Variants in GAB4 observed in about 807,000 individuals in gnomAD.
GAB4 encodes GRB2-associated-binding protein 4.
A neutral mutation model predicts 51.3 loss-of-function variants in GAB4; 26 were observed. That is an observed-to-expected ratio of 0.51 (90% CI 0.37 to 0.70). The LOEUF is 0.70. Among genes scored for constraint, GAB4 ranks in the 30% least tolerant of loss-of-function variants. The pLI is 0.00. For missense variants in GAB4, 759 were observed against 734.6 expected (o/e 1.03, Z -0.38); for synonymous variants, 329 against 291.2 (o/e 1.13, Z -1.32).
chr22:16,993,393 T>G (rs2060928189), intron 1 of GAB4, among the ~76,000 whole-genome samples: 1 of 152,186 alleles, frequency 6.6e-6, no homozygotes, highest in African/African-American at 2.4e-5. Context: ...GGACTACAGA[T>G]GCCAAGCATT....
Position 16,962,610 on chromosome 22 carries a change from TATATTG to T in GAB4, c.*117_*122del. ...GTGGGCCCCAAGCAGGCAAAGGATG[TATATTG>T]ATCAGGCCTCTGCTCTCTATGTAAG... On this transcript the variant is annotated 3_prime_UTR_variant, in exon 10 of 10. Coordinates refer to ENST00000400588, the MANE Select transcript of GAB4 (RefSeq NM_001037814.1). 1 of 843,454 alleles carries T rather than the reference TATATTG, an allele frequency of 1.2e-6. No homozygotes were observed. The highest frequency in any genetic ancestry group is 1.7e-6 in the Non-Finnish European group (1 of 588,456). The allele number at this position is 843,454 out of a possible 1,614,324, so 52.2% of individuals were successfully genotyped here. A position where few individuals can be genotyped will look rare whatever the true frequency, so the allele number is the denominator to read the frequency against.
chr22:16,972,750 C>T (rs1408460827), intron 3 of GAB4, among the ~76,000 whole-genome samples: 1 of 152,118 alleles, frequency 6.6e-6, no homozygotes, highest in Non-Finnish European at 1.5e-5. Context: ...CTGATCCTTC[C>T]TCTGGACCAC....
In GAB4 at chr22:16,962,652, C is replaced by A; in HGVS notation, c.*81G>T. 7.6e-7 allele frequency: 1 copy of A among 1,315,248 alleles called. No homozygotes were observed. Among genetic ancestry groups the A allele is most frequent in the Non-Finnish European group, 1.0e-6 (1 of 957,914 alleles). The allele number at this position is 1,315,248 out of a possible 1,614,324, so 81.5% of individuals were successfully genotyped here. The stretch of plus-strand genomic sequence containing the variant: ...TGCTCTCTATGTAAGGGATGCGGTC[C>A]CTGATATTACAGAGCTTTAGAGTGT... On this transcript the variant is annotated 3_prime_UTR_variant, in exon 10 of 10. Coordinates refer to ENST00000400588, the MANE Select transcript of GAB4 (RefSeq NM_001037814.1).
At chr22:16,984,778 T>A (rs1223396468) in intron 3 of GAB4, among the ~76,000 whole-genome samples, 3 of 152,212 alleles carry the variant, frequency 2.0e-5, no homozygotes. Context: ...AGCATAAGAC[T>A]TGGGTGGTTT....
chr22:16,983,178 C>T lies in GAB4; in HGVS notation c.686+4782G>A, dbSNP rs28832875. On this transcript the variant is annotated intron_variant, in intron 3 of 9. Transcript: ENST00000400588. ...ATGCGCTTGATGCATCACTACCTTT[C>T]AACCCCACATCCTCACCACCTGTTT... 4.1e-3 allele frequency among the ~76,000 whole-genome samples: 565 copies of T among 136,818 alleles called. 5 individuals carry two copies. Among genetic ancestry groups the T allele is most frequent in the South Asian group, 0.025 (107 of 4,308 alleles). 89.8% of individuals were successfully genotyped at this position (136,818 alleles called of 152,430 possible).
chr22:17,005,832 T>C (rs1443112081), intron 1 of GAB4, among the ~76,000 whole-genome samples: 3 of 152,166 alleles, frequency 2.0e-5, no homozygotes, highest in Non-Finnish European at 4.4e-5. Context: ...TCCTTATATC[T>C]TATACAAAAA....
chr22:17,003,756 C>T (rs778307015), intron 1 of GAB4, among the ~76,000 whole-genome samples: 2 of 151,984 alleles, frequency 1.3e-5, no homozygotes, highest in African/African-American at 4.8e-5. Flanking sequence ...ACCCTAACAT[C>T]AAAATTAAAA....
intron 1 of GAB4, among the ~76,000 whole-genome samples, chr22:17,004,997 C>T (rs2061028614): frequency 6.6e-6 from 1 of 152,130 alleles, no homozygotes; most frequent in Non-Finnish European, 1.5e-5. Flanking sequence ...GAAGTTCTGG[C>T]CAGGACAATC....
At chr22:16,994,764 A>G (rs12157784) in intron 1 of GAB4, among the ~76,000 whole-genome samples, 2,602 of 152,262 alleles carry the variant, frequency 0.017, 88 homozygotes, top group African/African-American at 0.059. Context: ...TACAATCTGT[A>G]TGACTTCCAT....
At position 16,994,015 on chromosome 22, in the gene GAB4, T is replaced by A. The variant is rs546764005; in HGVS notation, c.175-1839A>T. The stretch of plus-strand genomic sequence containing the variant: ...GACATCACTTCAACAGTTCTCCACC[T>A]CTACTAGGATCATTCCCATCAAGAC... On this transcript the variant is annotated intron_variant, in intron 1 of 9. Coordinates refer to ENST00000400588, the MANE Select transcript of GAB4 (RefSeq NM_001037814.1). Among the ~76,000 whole-genome samples the A allele has an allele frequency of 5.3e-5, 8 of 152,156 alleles. No individual in the cohort carries two copies. The South Asian group carries it at 1.2e-3, about 24-fold the overall frequency.
rs369886687 is a variant in GAB4, at chr22:16,966,184, C to G, written c.1204G>C (p.Glu402Gln). ...RFDLLGSPLT[E>Q]LSMHQDLSQG... ...CTGAGGTCTTGGTGCATAGAAAGCT[C>G]TGTGAGTGGGGAGCCAAGCAGGTCA... Residue 402 changes from glutamate to glutamine, a missense_variant, in exon 6 of 10, where the codon GAG becomes CAG. Coordinates refer to ENST00000400588, the MANE Select transcript of GAB4 (RefSeq NM_001037814.1). 7 of 1,613,954 alleles carry G rather than the reference C, an allele frequency of 4.3e-6. No individual in the cohort carries two copies. Among genetic ancestry groups the G allele is most frequent in the Non-Finnish European group, 5.9e-6 (7 of 1,180,010 alleles).
intron 3 of GAB4, 34 bp from the exon 4 acceptor site, chr22:16,970,227 G>T (rs753743841): frequency 6.2e-7 from 1 of 1,611,956 alleles, no homozygotes; most frequent in South Asian, 1.1e-5. Context: ...GGGCAGGGGT[G>T]AGAGGAGGCC....
At chr22:16,997,209 G>A (rs1346751393) in intron 1 of GAB4, among the ~76,000 whole-genome samples, 1 of 152,162 alleles carries the variant, frequency 6.6e-6, no homozygotes, top group Non-Finnish European at 1.5e-5. Context: ...GATCCTTGAG[G>A]AGTCGCCACA....
At position 16,964,860 on chromosome 22, in the gene GAB4, T is replaced by C. The variant is rs1411779206; in HGVS notation, c.1382A>G (p.His461Arg). The C allele has an allele frequency of 8.1e-6, 13 of 1,613,032 alleles. No individual in the cohort carries two copies. The highest frequency in any genetic ancestry group is 1.1e-5 in the Non-Finnish European group (13 of 1,179,230). ...PVTEPWSGTS[H>R]TFDSSSSQHP... The stretch of plus-strand genomic sequence containing the variant: ...TTGGGAGGAGCTGGAGTCAAAGGTG[T>C]GGCTGTCATGGGAAGAAGGCAAGGA... The change falls in exon 8 of 10, where the codon CAC becomes CGC. Residue 461 changes from histidine to arginine, a missense_variant and splice_region_variant. Physicochemically the swap from His to Arg is conservative, Grantham distance 29 (BLOSUM62 0). This residue lies in a region of GAB4 where 588 missense variants were observed against 510.2 expected (regional missense o/e 1.15). Transcript: ENST00000400588.
chr22:17,008,109 G>C lies in GAB4; in HGVS notation c.6C>G (p.Ser2=), dbSNP rs1427348135. M[S]LPSPSPSREL... is the part of the protein sequence containing the mutation. ...CCCGGGAGGGTGAGGGGGACGGCAGGGACATGGGGGCTGCAGCTCACAGTG... is the reference window on the plus strand; with the variant it reads ...CCCGGGAGGGTGAGGGGGACGGCAGCGACATGGGGGCTGCAGCTCACAGTG... Residue 2 remains serine, a synonymous_variant, in exon 1 of 10, where the codon TCC becomes TCG. Transcript: ENST00000400588. 9.4e-6 allele frequency: 15 copies of C among 1,601,246 alleles called. No individual in the cohort carries two copies. The Admixed American group carries it at 2.5e-4, about 27-fold the overall frequency.
chr22:16,984,963 G>A (rs1337040046), intron 3 of GAB4, among the ~76,000 whole-genome samples: 1 of 152,196 alleles, frequency 6.6e-6, no homozygotes, highest in Non-Finnish European at 1.5e-5. Flanking sequence ...CAAATCCATG[G>A]AAGACAGAAA....
At chr22:17,001,952 C>A (rs1478581243) in intron 1 of GAB4, among the ~76,000 whole-genome samples, 1 of 152,176 alleles carries the variant, frequency 6.6e-6, no homozygotes, top group Admixed American at 6.5e-5. Context: ...GGGCATGGGA[C>A]CCCCCGAGCC....
intron 1 of GAB4, 60 bp from the exon 2 acceptor site, chr22:16,992,236 T>G: frequency 6.9e-7 from 1 of 1,441,692 alleles, no homozygotes. Flanking sequence ...TTTTAACAGG[T>G]CTGAGACATC....
chr22:16,984,163 C>T (rs1481606392), intron 3 of GAB4, among the ~76,000 whole-genome samples: 1 of 152,032 alleles, frequency 6.6e-6, no homozygotes, highest in Non-Finnish European at 1.5e-5. Flanking sequence ...GACATTTCTC[C>T]AAAGAAGACA....
Sources: allele counts gnomAD v4.1 joint callset (sites outside exome capture counted in the v4.1 genomes callset), GRCh38; gene constraint gnomAD v4.1.1; regional missense constraint gnomAD v4.1.1; transcripts MANE v1.5; gene names NCBI Gene and HGNC (gene_info 2026-07-23, HGNC 2026-07-21).